The following MLXIP variants were observed in gnomAD, a reference collection of about 807,000 sequenced individuals.
MLXIP encodes MLX interacting protein.
A neutral mutation model predicts 87.2 loss-of-function variants in MLXIP; 30 were observed. The observed-to-expected ratio is 0.34, with a 90% CI of 0.26 to 0.47. MLXIP has a LOEUF of 0.47. MLXIP is among the 20% of genes least tolerant of loss of function. The probability of loss-of-function intolerance (pLI) is 1.00; values close to 1 mark genes in which losing one functional copy is unlikely to be tolerated. For synonymous variants in MLXIP, 530 were observed against 514.0 expected (o/e 1.03, Z -0.42); for missense variants, 1,002 against 1,240.1 (o/e 0.81, Z 2.88).
rs771063915 is a variant in MLXIP, at chr12:122,117,364, G to A, written c.414-9892G>A. On this transcript the variant is annotated intron_variant, in intron 1 of 16. Transcript: ENST00000319080. ...CAAGCCATTGGCAGTGGCCCCTCCC[G>A]CGTGCCAGCTCCTCAATGAACCTTT... is the stretch of plus-strand genomic sequence containing the variant. Among the ~76,000 whole-genome samples the A allele has an allele frequency of 2.6e-5, 4 of 152,188 alleles. No homozygotes were observed. In the South Asian group the frequency reaches 6.2e-4, roughly 24 times the overall value.
At chr12:122,092,916 T>TGATGTGTGTTGTTGTGTGG (rs1555227203) in intron 1 of MLXIP, among the ~76,000 whole-genome samples, 1 of 150,708 alleles carries the variant, frequency 6.6e-6, no homozygotes, top group African/African-American at 2.5e-5. Context: ...TTGTTGTGTG[T>TGATGTGTGTTGTTGTGTGG]GATGTGTGTG....
chr12:122,117,031 G>T (rs1302783704), intron 1 of MLXIP, among the ~76,000 whole-genome samples: 1 of 152,116 alleles, frequency 6.6e-6, no homozygotes, highest in South Asian at 2.1e-4. Context: ...ATTTTTGGGT[G>T]GTCATGGAAA....
At chr12:122,140,683 G>T (rs1953183727) in intron 15 of MLXIP, 2 of 532,990 alleles carry the variant, frequency 3.8e-6, no homozygotes, top group South Asian at 1.9e-5. Context: ...GCTAGGACCT[G>T]TTCCAGACTA....
intron 1 of MLXIP, among the ~76,000 whole-genome samples, chr12:122,087,648 G>A (rs1952188013): frequency 6.6e-6 from 1 of 152,212 alleles, no homozygotes; most frequent in African/African-American, 2.4e-5. Flanking sequence ...GAGGCAAGGG[G>A]CCTTGTGGGC....
chr12:122,082,057 A>G (rs1952099421), intron 1 of MLXIP, among the ~76,000 whole-genome samples: 1 of 152,206 alleles, frequency 6.6e-6, no homozygotes, highest in South Asian at 2.1e-4. Flanking sequence ...AGTCCTGAGA[A>G]GTGGCCTAGG....
At chr12:122,093,405 G>C (rs1003372170) in intron 1 of MLXIP, among the ~76,000 whole-genome samples, 1 of 144,562 alleles carries the variant, frequency 6.9e-6, no homozygotes. Flanking sequence ...TATGTGTGTG[G>C]TGTGTGTTGG....
intron 1 of MLXIP, among the ~76,000 whole-genome samples, chr12:122,108,783 G>A (rs1952560323): frequency 6.6e-6 from 1 of 152,090 alleles, no homozygotes; most frequent in Admixed American, 6.6e-5. Context: ...CACTGTCTAG[G>A]CAGACTTCTT....
At chr12:122,129,508 T>G (rs774821349) in intron 4 of MLXIP, 80 bp from the exon 5 acceptor site, 3,069 of 1,505,544 alleles carry the variant, frequency 2.0e-3, no homozygotes, top group Non-Finnish European at 2.5e-3. Flanking sequence ...CCTGCCTCCC[T>G]GAGAGTTCTG....
At chr12:122,121,335 A>AGAT (rs1952781449) in intron 1 of MLXIP, among the ~76,000 whole-genome samples, 1 of 102,328 alleles carries the variant, frequency 9.8e-6, no homozygotes, top group Non-Finnish European at 1.9e-5. Context: ...TTTTAAATTG[A>AGAT]GATGGAGTCT....
intron 1 of MLXIP, among the ~76,000 whole-genome samples, chr12:122,115,752 A>C (rs972206919): frequency 2.0e-5 from 3 of 152,136 alleles, no homozygotes; most frequent in Non-Finnish European, 2.9e-5. Context: ...TATTGCGAAT[A>C]TAAAATAGCA....
chr12:122,129,089 T>C (rs981692239), intron 3 of MLXIP, 48 bp from the exon 4 acceptor site: 2 of 1,491,282 alleles, frequency 1.3e-6, no homozygotes, highest in Non-Finnish European at 1.8e-6. Flanking sequence ...TGAGCTTTGC[T>C]AATCAAGCAG....
intron 1 of MLXIP, among the ~76,000 whole-genome samples, chr12:122,121,053 A>G (rs1328521592): frequency 5.6e-5 from 6 of 106,238 alleles, no homozygotes; most frequent in African/African-American, 1.4e-4. Flanking sequence ...CTCTGTCGCC[A>G]GGCTGGAATG....
chr12:122,117,460 G>A (rs927704771), intron 1 of MLXIP, among the ~76,000 whole-genome samples: 2 of 152,236 alleles, frequency 1.3e-5, no homozygotes, highest in African/African-American at 2.4e-5. Flanking sequence ...AGGACTAGCC[G>A]ATAGAGACTG....
intron 1 of MLXIP, among the ~76,000 whole-genome samples, chr12:122,081,206 T>G (rs1048427674): frequency 2.0e-5 from 3 of 152,212 alleles, no homozygotes; most frequent in Non-Finnish European, 2.9e-5. Flanking sequence ...CTTGGCTCTC[T>G]CACTTTCGCT....
chr12:122,138,043 C>T (rs1593118562), intron 12 of MLXIP, 151 bp from the exon 13 acceptor site: 1 of 656,306 alleles, frequency 1.5e-6, no homozygotes, highest in East Asian at 2.8e-5. Context: ...TCCGGCTCCT[C>T]ATTGGAGCCT....
chr12:122,132,371 C>G lies in MLXIP; in HGVS notation c.1080C>G (p.Asn360Lys), dbSNP rs1230604873. 1 of 1,611,862 alleles carries G rather than the reference C, an allele frequency of 6.2e-7. No homozygotes were observed. The highest frequency in any genetic ancestry group is 2.2e-5 in the East Asian group (1 of 44,824). The change falls in exon 8 of 17, where the codon AAC (asparagine) becomes AAG (lysine). Residue 360 changes from asparagine (N) to lysine (K), a missense_variant. Transcript: ENST00000319080. ...SASAPVPDPN[N>K]PPAQESILPT... is the part of the protein sequence containing the mutation. ...CAGCACCTGTACCAGATCCCAACAA[C>G]CCACCTGCACAGGTAGAGGAAGCTG...
chr12:122,105,989 G>A (rs982720401), intron 1 of MLXIP, among the ~76,000 whole-genome samples: 5 of 152,164 alleles, frequency 3.3e-5, no homozygotes, highest in African/African-American at 1.2e-4. Flanking sequence ...CATTTCCATC[G>A]CTTCACTTGC....
At chr12:122,081,370 T>G (rs1277063694) in intron 1 of MLXIP, among the ~76,000 whole-genome samples, 1 of 152,220 alleles carries the variant, frequency 6.6e-6, no homozygotes, top group Non-Finnish European at 1.5e-5. Flanking sequence ...TGAGTTTAGT[T>G]GGCAGTGTAG....
chr12:122,141,251 C>T (rs2059055874), intron 16 of MLXIP, 168 bp downstream of exon 16: 1 of 517,300 alleles, frequency 1.9e-6, no homozygotes, highest in Middle Eastern at 9.5e-4. Flanking sequence ...CCAGTGGGGG[C>T]AGGAGGCTCC....
Sources: gnomAD v4.1 joint callset for allele counts (sites outside exome capture counted in the v4.1 genomes callset) on GRCh38, gnomAD v4.1.1 for gene constraint, MANE v1.5 for transcripts, NCBI Gene and HGNC (gene_info 2026-07-23, HGNC 2026-07-21) for gene names.